RBAK: variants seen among roughly 807,000 people sequenced by gnomAD.
RBAK encodes RB-associated KRAB zinc finger protein.
A neutral mutation model predicts 65.8 loss-of-function variants in RBAK; 39 were observed. The observed-to-expected ratio is 0.59, with a 90% CI of 0.46 to 0.77. The LOEUF is 0.77. RBAK is among the 30% of genes least tolerant of loss of function. RBAK has a pLI of 0.00. For missense variants in RBAK, 884 were observed against 855.1 expected, an observed-to-expected ratio of 1.03 and a Z score of -0.42; for synonymous variants, 343 against 289.7, an observed-to-expected ratio of 1.18 and a Z score of -1.87.
At chr7:5,049,493 G>C (rs1237567617) in intron 2 of RBAK, among the ~76,000 whole-genome samples, 1 of 152,002 alleles carries the variant, frequency 6.6e-6, no homozygotes, top group Non-Finnish European at 1.5e-5. Context: ...TCCTTTTCAC[G>C]TTGCTGAGTC....
Position 5,053,630 on chromosome 7 carries a change from C to T in RBAK, c.16-3665C>T, listed in dbSNP as rs145076317. On this transcript the variant is annotated intron_variant, in intron 2 of 4. Coordinates refer to ENST00000396912, the MANE Select transcript of RBAK (RefSeq NM_021163.4). The stretch of plus-strand genomic sequence containing the variant: ...GGCCACTTGAAATTTTCCCACAACA[C>T]ACTGTTGCTCTTTATTTGCTTTTAA... 4.0e-4 allele frequency among the ~76,000 whole-genome samples: 61 copies of T among 152,326 alleles called. No homozygotes were observed. The East Asian group carries it at 0.011, about 28-fold the overall frequency.
intron 4 of RBAK, among the ~76,000 whole-genome samples, chr7:5,058,143 C>T (rs1365981183): frequency 6.6e-6 from 1 of 152,130 alleles, no homozygotes; most frequent in African/African-American, 2.4e-5. Flanking sequence ...GGTATGATCT[C>T]AGCTCACTGC....
chr7:5,064,796 A>C lies in RBAK; in HGVS notation c.1340A>C (p.His447Pro). The C allele has an allele frequency of 6.2e-7, 1 of 1,614,128 alleles. No homozygotes were observed. Among genetic ancestry groups the C allele is most frequent in the Non-Finnish European group, 8.5e-7 (1 of 1,179,944 alleles). ...FFSRVSYLTIHYRSHLEEKPY... is the reference protein window; with the variant it reads ...FFSRVSYLTIPYRSHLEEKPY... ...TCTCGGGTGTCATACCTCACTATACATTATAGAAGTCATTTAGAAGAGAAA... is the reference window on the plus strand; with the variant it reads ...TCTCGGGTGTCATACCTCACTATACCTTATAGAAGTCATTTAGAAGAGAAA... Residue 447 changes from histidine (H) to proline (P), a missense_variant, in exon 5 of 5, where the codon CAT (histidine) becomes CCT (proline). Physicochemically the swap from His to Pro is moderately conservative, Grantham distance 77. Coordinates refer to ENST00000396912, the MANE Select transcript of RBAK (RefSeq NM_021163.4). This position sits in a 1 kb window ranked among gnomAD's most constrained non-coding sequence, Gnocchi z 6.3.
In RBAK at chr7:5,046,014, G is replaced by T. The variant is rs1787968029; in HGVS notation, c.-427G>T. The T allele has an allele frequency of 7.2e-6, 2 of 276,720 alleles. No individual in the cohort carries two copies. The highest frequency in any genetic ancestry group is 2.4e-5 in the African/African-American group (1 of 42,062). The allele number at this position is 276,720 out of a possible 1,614,324, so 17.1% of individuals were successfully genotyped here. ...CGCGGGGGTGTGCAGGCCAGGGTTC[G>T]CGCGGGCCGGGTGGAGGCTTGAGCG... On this transcript the variant is annotated 5_prime_UTR_variant, in exon 1 of 5. Transcript: ENST00000396912.
chr7:5,055,751 C>T (rs1333683655), intron 2 of RBAK, among the ~76,000 whole-genome samples: 2 of 151,508 alleles, frequency 1.3e-5, no homozygotes, highest in Admixed American at 6.6e-5. Context: ...TACCTCCTTG[C>T]CTTCTGGACT....
chr7:5,065,316 G>A lies in RBAK; in HGVS notation c.1860G>A (p.Glu620=). 1.2e-6 allele frequency: 2 copies of A among 1,613,924 alleles called. No individual in the cohort carries two copies. Among genetic ancestry groups the A allele is most frequent in the Non-Finnish European group, 1.7e-6 (2 of 1,179,910 alleles). ...LTIHHRIHSG[E]KPYECSKCGK... is the part of the protein sequence containing the mutation. Reference sequence around the variant, plus strand: ...TACATCATCGAATTCATTCAGGAGAGAAACCCTATGAATGTAGTAAATGTG... The same window carrying A: ...TACATCATCGAATTCATTCAGGAGAAAAACCCTATGAATGTAGTAAATGTG... The change falls in exon 5 of 5, where the codon GAG becomes GAA. Residue 620 remains glutamate (E), a synonymous_variant. Coordinates refer to ENST00000396912, the MANE Select transcript of RBAK (RefSeq NM_021163.4). The surrounding 1 kb of genome is among the most constrained non-coding windows in gnomAD (Gnocchi z 5.3).
In RBAK at chr7:5,065,011, A is replaced by G; in HGVS notation, c.1555A>G (p.Thr519Ala). 6.2e-7 allele frequency: 1 copy of G among 1,612,926 alleles called. No individual in the cohort carries two copies. The highest frequency in any genetic ancestry group is 8.5e-7 in the Non-Finnish European group (1 of 1,179,600). Residue 519 changes from threonine (T) to alanine (A), a missense_variant, in exon 5 of 5, where the codon ACC becomes GCC. By Grantham distance (58) the Thr-to-Ala change is moderately conservative. Coordinates refer to ENST00000396912, the MANE Select transcript of RBAK (RefSeq NM_021163.4). This position sits in a 1 kb window ranked among gnomAD's most constrained non-coding sequence, Gnocchi z 5.3. ...CTATGAATGTAATGAATGTGGGAAA[A>G]CCTTCCTTGTAAATTCAGCCTTCGA... Reference protein sequence around the residue: ...KPYECNECGKTFLVNSAFDGH... With the variant: ...KPYECNECGKAFLVNSAFDGH...
rs1420361553 is a variant in RBAK at position 5,045,880 on chromosome 7, G to C, written c.-561G>C. 1.5e-5 allele frequency: 5 copies of C among 343,932 alleles called. No homozygotes were observed. In the East Asian group the frequency reaches 5.8e-4, roughly 40 times the overall value. 21.3% of individuals were successfully genotyped at this position (343,932 alleles called of 1,614,324 possible). A position where few individuals can be genotyped will look rare whatever the true frequency, so the allele number is the denominator to read the frequency against. ...GCTGCACTGCCCTCGCTTCCTGTGC[G>C]TCCTCAGGTCACCGCTTGCTCTAGT... On this transcript the variant is annotated 5_prime_UTR_variant, in exon 1 of 5. Transcript: ENST00000396912.
chr7:5,058,754 C>T (rs1171030582), intron 4 of RBAK, among the ~76,000 whole-genome samples: 3 of 152,238 alleles, frequency 2.0e-5, no homozygotes, highest in African/African-American at 7.2e-5. Context: ...GTGTGAATTT[C>T]ATAAGTGAAT....
Position 5,064,656 on chromosome 7 carries a change from T to G in RBAK, c.1200T>G (p.Leu400=). 6.2e-7 allele frequency: 1 copy of G among 1,611,456 alleles called. No individual in the cohort carries two copies. The highest frequency in any genetic ancestry group is 8.5e-7 in the Non-Finnish European group (1 of 1,178,160). The change falls in exon 5 of 5, where the codon CTT becomes CTG. Residue 400 remains leucine, a synonymous_variant. Coordinates refer to ENST00000396912, the MANE Select transcript of RBAK (RefSeq NM_021163.4). The surrounding 1 kb of genome is among the most constrained non-coding windows in gnomAD (Gnocchi z 6.3). ...AGAGAACTCACACGGGAGAGAAGCT[T>G]TATAAATGTAATGAATGTGGGAAAT... is the stretch of plus-strand genomic sequence containing the variant. ...DHQRTHTGEK[L]YKCNECGKSY...
chr7:5,059,930 A>C (rs942434668), intron 4 of RBAK, among the ~76,000 whole-genome samples: 3 of 152,076 alleles, frequency 2.0e-5, no homozygotes, highest in African/African-American at 7.2e-5. Flanking sequence ...TATATATTCA[A>C]AGATTATATG....
At chr7:5,052,884 C>T (rs1000160919) in intron 2 of RBAK, among the ~76,000 whole-genome samples, 2 of 152,044 alleles carry the variant, frequency 1.3e-5, no homozygotes, top group East Asian at 3.9e-4. Context: ...CTCAGCCTCC[C>T]GGGTAGCTGG....
At chr7:5,061,771 G>A (rs1172843791) in intron 4 of RBAK, among the ~76,000 whole-genome samples, 1 of 151,848 alleles carries the variant, frequency 6.6e-6, no homozygotes, top group Non-Finnish European at 1.5e-5. Flanking sequence ...GGTGGCGTGT[G>A]CCTGTAATCC....
rs888990602 is a variant in RBAK at position 5,057,516 on chromosome 7, G to A, written c.142+95G>A. Reference sequence around the variant, plus strand: ...TGATGACACCATTTAATTCCTTGTGGGCACTAGCTGGAGTGTTTATATTAT... The same window carrying A: ...TGATGACACCATTTAATTCCTTGTGAGCACTAGCTGGAGTGTTTATATTAT... On this transcript the variant is annotated intron_variant, in intron 3 of 4. Coordinates refer to ENST00000396912, the MANE Select transcript of RBAK (RefSeq NM_021163.4). 26 of 1,608,502 alleles carry A rather than the reference G, an allele frequency of 1.6e-5. No homozygotes were observed. The East Asian group carries it at 2.0e-4, about 12-fold the overall frequency.
intron 2 of RBAK, among the ~76,000 whole-genome samples, chr7:5,050,572 C>A (rs1788093636): frequency 6.6e-6 from 1 of 152,044 alleles, no homozygotes; most frequent in African/African-American, 2.4e-5. Flanking sequence ...ATTTACTAGC[C>A]AAAATACCTT....
intron 2 of RBAK, among the ~76,000 whole-genome samples, chr7:5,055,149 T>A (rs967275043): frequency 3.9e-5 from 6 of 152,122 alleles, no homozygotes; most frequent in Admixed American, 2.0e-4. Flanking sequence ...TAATGAGCAT[T>A]TTATTAATAC....
In RBAK at chr7:5,065,258, G is replaced by A; in HGVS notation, c.1802G>A (p.Gly601Glu). 1 of 1,613,938 alleles carries A rather than the reference G, an allele frequency of 6.2e-7. No homozygotes were observed. The highest frequency in any genetic ancestry group is 1.7e-5 in the Admixed American group (1 of 60,000). Residue 601 changes from glycine (G) to glutamate (E), a missense_variant, in exon 5 of 5, where the codon GGA (glycine) becomes GAA (glutamate). Transcript: ENST00000396912. The surrounding 1 kb of genome is among the most constrained non-coding windows in gnomAD (Gnocchi z 5.3). ...AAACCCTATGAATGTTACGAATGTG[G>A]AAAATTCTTCTCTCAGAAATCATAT... is the stretch of plus-strand genomic sequence containing the variant. Reference protein sequence around the residue: ...GEKPYECYECGKFFSQKSYLT... With the variant: ...GEKPYECYECEKFFSQKSYLT...
At position 5,053,306 on chromosome 7, in the gene RBAK, A is replaced by G. The variant is rs149938204; in HGVS notation, c.16-3989A>G. Among the ~76,000 whole-genome samples, 42 of 152,082 alleles carry G rather than the reference A, an allele frequency of 2.8e-4. No homozygotes were observed. The East Asian group carries it at 5.4e-3, about 20-fold the overall frequency. On this transcript the variant is annotated intron_variant, in intron 2 of 4. Transcript: ENST00000396912. ...CACAGTGCTTTAAATATGTTTCTCT[A>G]TTGTCTTCCTGCTTACATTTTTTTC... is the stretch of plus-strand genomic sequence containing the variant.
rs1284788843 is a variant in RBAK at position 5,046,308 on chromosome 7, G to A, written c.-133G>A. 1.2e-5 allele frequency: 6 copies of A among 516,312 alleles called. No individual in the cohort carries two copies. The highest frequency in any genetic ancestry group is 1.9e-5 in the Admixed American group (1 of 51,504). The allele number at this position is 516,312 out of a possible 1,614,324, so 32.0% of individuals were successfully genotyped here. On this transcript the variant is annotated 5_prime_UTR_variant, in exon 1 of 5. Coordinates refer to ENST00000396912, the MANE Select transcript of RBAK (RefSeq NM_021163.4). ...CAACCTTAGTGAGGTGGACAGGAGG[G>A]GACCTCGCGAGCAGACGCGCGCCAG...
Sources: allele counts gnomAD v4.1 joint callset (sites outside exome capture counted in the v4.1 genomes callset), GRCh38; gene constraint gnomAD v4.1.1; non-coding constraint Gnocchi (gnomAD v3.1); transcripts MANE v1.5; gene names NCBI Gene and HGNC (gene_info 2026-07-23, HGNC 2026-07-21).